Variants in KIF5A observed in about 807,000 individuals in gnomAD.
The protein encoded by KIF5A is kinesin family member 5A.
KIF5A carries 35 observed loss-of-function variants against 141.3 expected under a neutral mutation model. That is an observed-to-expected ratio of 0.25 (90% CI 0.19 to 0.33). The LOEUF is 0.33. Among genes scored for constraint, KIF5A ranks in the 10% least tolerant of loss-of-function variants. The pLI is 1.00. For synonymous variants in KIF5A, 448 were observed against 500.2 expected (o/e 0.90, Z 1.39); for missense variants, 861 against 1,314.3 (o/e 0.66, Z 5.33).
rs771819798 is a variant in KIF5A, at chr12:57,581,084, C to T, written c.2667C>T (p.Asp889=). Residue 889 remains aspartate, a synonymous_variant, in exon 24 of 29, where the codon GAC becomes GAT. Transcript: ENST00000455537. ...LKEAKEGAMK[D]KRRYQQEVDR... ...AGGCCAAGGAGGGCGCCATGAAGGA[C>T]AAGCGCCGGTACCAGCAGGAGGTGG... The T allele has an allele frequency of 1.2e-6, 2 of 1,614,154 alleles. No homozygotes were observed. Among genetic ancestry groups the T allele is most frequent in the East Asian group, 4.5e-5 (2 of 44,882 alleles).
rs1882386176 is a variant in KIF5A at position 57,575,234 on chromosome 12, G to C, written c.1867G>C (p.Gly623Arg). 1.2e-6 allele frequency: 2 copies of C among 1,613,728 alleles called. No homozygotes were observed. Among genetic ancestry groups the C allele is most frequent in the Non-Finnish European group, 1.7e-6 (2 of 1,179,880 alleles). ...VECHRKMEVTGRELSSCQLLI... is the reference protein window; with the variant it reads ...VECHRKMEVTRRELSSCQLLI... ...GTGTCACCGCAAGATGGAAGTGACC[G>C]GGCGGGAGCTCTCATCCTGCCAGCT... Residue 623 changes from glycine (G) to arginine (R), a missense_variant, in exon 16 of 29, where the codon GGG (glycine) becomes CGG (arginine). By Grantham distance (125) the Gly-to-Arg change is moderately radical (BLOSUM62 -2). Around this residue, in one of 5 missense-constraint regions of KIF5A, gnomAD observed 482 missense variants for 661.3 expected, o/e 0.73. Transcript: ENST00000455537.
intron 1 of KIF5A, among the ~76,000 whole-genome samples, chr12:57,562,351 G>A (rs1483436597): frequency 6.6e-6 from 1 of 152,320 alleles, no homozygotes; most frequent in South Asian, 2.1e-4. Flanking sequence ...GCGTAGCTGG[G>A]ATTACAGGTG....
Position 57,572,011 on chromosome 12 carries a change from A to G in KIF5A, c.1363-50A>G, listed in dbSNP as rs764424788. ...AGCTTCCCAGACCCAAGGCCATAGA[A>G]ATGGTCACTGGCAGTGATCTTTCCC... On this transcript the variant is annotated intron_variant, in intron 13 of 28. Coordinates refer to ENST00000455537, the MANE Select transcript of KIF5A (RefSeq NM_004984.4). The surrounding 1 kb of genome is among the most constrained non-coding windows in gnomAD (Gnocchi z 4.2). 1 of 1,526,196 alleles carries G rather than the reference A, an allele frequency of 6.6e-7. No homozygotes were observed. Among genetic ancestry groups the G allele is most frequent in the South Asian group, 1.1e-5 (1 of 87,032 alleles). 94.5% of individuals were successfully genotyped at this position (1,526,196 alleles called of 1,614,324 possible).
intron 20 of KIF5A, among the ~76,000 whole-genome samples, chr12:57,577,100 A>G (rs1882452428): frequency 1.3e-5 from 2 of 152,362 alleles, no homozygotes; most frequent in South Asian, 4.1e-4. Flanking sequence ...TTACAAAACC[A>G]TATGCATGGT....
chr12:57,568,910 G>A, intron 8 of KIF5A, 53 bp from the exon 9 acceptor site: 3 of 1,230,666 alleles, frequency 2.4e-6, no homozygotes, highest in South Asian at 2.4e-5. Context: ...GGTGGTGACA[G>A]CCCTCTCCAT....
Position 57,563,610 on chromosome 12 carries a change from T to C in KIF5A, c.218-10T>C. Reference sequence around the variant, plus strand: ...CTCCACCAGTACTCTTTCTCTACTGTCTCTTCCAGATGTCCTTGCTGGCTA... The same window carrying C: ...CTCCACCAGTACTCTTTCTCTACTGCCTCTTCCAGATGTCCTTGCTGGCTA... On this transcript the variant is annotated splice_polypyrimidine_tract_variant and intron_variant, in intron 2 of 28. Coordinates refer to ENST00000455537, the MANE Select transcript of KIF5A (RefSeq NM_004984.4). The C allele has an allele frequency of 6.2e-7, 1 of 1,614,032 alleles. No individual in the cohort carries two copies. The highest frequency in any genetic ancestry group is 8.5e-7 in the Non-Finnish European group (1 of 1,179,864).
intron 16 of KIF5A, 38 bp downstream of exon 16, chr12:57,575,310 G>T: frequency 6.3e-7 from 1 of 1,589,368 alleles, no homozygotes; most frequent in East Asian, 2.2e-5. Context: ...GATGCCATGG[G>T]AGAAAGAAGG....
Position 57,570,014 on chromosome 12 carries a change from T to C in KIF5A, c.1145T>C (p.Leu382Pro), listed in dbSNP as rs2140163585. Residue 382 changes from leucine to proline, a missense_variant, in exon 12 of 29, where the codon CTG becomes CCG. Physicochemically the swap from Leu to Pro is moderately conservative, Grantham distance 98. Transcript: ENST00000455537. The part of the protein sequence containing the change: ...NGENVPETER[L>P]AGEEAALGAE... ...GAGAATGTGCCTGAGACAGAGCGCCTGGCTGGGGAGGAGGCAGCCCTGGGA... is the reference window on the plus strand; with the variant it reads ...GAGAATGTGCCTGAGACAGAGCGCCCGGCTGGGGAGGAGGCAGCCCTGGGA... The C allele has an allele frequency of 6.2e-7, 1 of 1,613,668 alleles. No individual in the cohort carries two copies. Among genetic ancestry groups the C allele is most frequent in the East Asian group, 2.2e-5 (1 of 44,864 alleles).
chr12:57,563,285 G>A (rs551726972), intron 1 of KIF5A, among the ~76,000 whole-genome samples, 154 bp from the exon 2 acceptor site: 6 of 152,170 alleles, frequency 3.9e-5, no homozygotes, highest in Non-Finnish European at 7.4e-5. Context: ...GATTACAGGT[G>A]TGAGCCACCA....
At chr12:57,564,316 G>A (rs372906511) in intron 4 of KIF5A, 104 bp downstream of exon 4, 5 of 1,086,496 alleles carry the variant, frequency 4.6e-6, no homozygotes, top group Non-Finnish European at 5.7e-6. Context: ...CTCCCTTTCC[G>A]GTTACCAGAG....
In KIF5A at chr12:57,568,085, G is replaced by T. The variant is rs1304783736; in HGVS notation, c.714+467G>T. On this transcript the variant is annotated intron_variant, in intron 8 of 28. Transcript: ENST00000455537. ...TTTAGTAGAGACGGGGTTTCACCAT[G>T]TTGGCCAGGCTGGTCTCGAACTCCT... Among the ~76,000 whole-genome samples the T allele has an allele frequency of 2.0e-5, 3 of 152,176 alleles. No individual in the cohort carries two copies. The East Asian group carries it at 5.8e-4, about 30-fold the overall frequency.
At chr12:57,559,131 G>T (rs934150606) in intron 1 of KIF5A, among the ~76,000 whole-genome samples, 1 of 152,182 alleles carries the variant, frequency 6.6e-6, no homozygotes, top group Non-Finnish European at 1.5e-5. Context: ...TCTGTTGGTG[G>T]ACATTAAGGG....
chr12:57,575,810 C>T, intron 17 of KIF5A, 53 bp downstream of exon 17: 2 of 1,284,450 alleles, frequency 1.6e-6, no homozygotes, highest in Non-Finnish European at 2.3e-6. Context: ...AAGTCAGAAA[C>T]ATCAAAATAA....
Position 57,567,633 on chromosome 12 carries a change from G to A in KIF5A, c.714+15G>A. The A allele has an allele frequency of 4.3e-6, 7 of 1,609,536 alleles. No homozygotes were observed. The highest frequency in any genetic ancestry group is 5.9e-6 in the Non-Finnish European group (7 of 1,177,802). ...GGAGTGAGAAGGTAGGGGGTCCTGT[G>A]GATATGGGGTGGGTGGAAGCCTTGG... On this transcript the variant is annotated intron_variant, in intron 8 of 28. Coordinates refer to ENST00000455537, the MANE Select transcript of KIF5A (RefSeq NM_004984.4).
At chr12:57,578,465 C>G (rs1311949188) in intron 23 of KIF5A, 123 bp downstream of exon 23, 3 of 721,918 alleles carry the variant, frequency 4.2e-6, no homozygotes, top group African/African-American at 1.7e-5. Flanking sequence ...TTCGCTTTTA[C>G]TTTCCCTACT....
At chr12:57,573,744 G>A (rs1428292512) in intron 15 of KIF5A, among the ~76,000 whole-genome samples, 3 of 150,984 alleles carry the variant, frequency 2.0e-5, no homozygotes, top group Admixed American at 2.0e-4. Context: ...CAGGGGAATC[G>A]CTTGAACCTG....
chr12:57,558,806 C>T (rs1881822907), intron 1 of KIF5A, among the ~76,000 whole-genome samples: 1 of 152,206 alleles, frequency 6.6e-6, no homozygotes, highest in African/African-American at 2.4e-5. Context: ...GACAGGGTCT[C>T]ACTCTGTTGC....
intron 1 of KIF5A, 76 bp from the exon 2 acceptor site, chr12:57,563,363 C>A: frequency 9.2e-7 from 1 of 1,083,278 alleles, no homozygotes; most frequent in Non-Finnish European, 1.4e-6. Context: ...TTCTCAGCTG[C>A]TGGAAGGAGG....
chr12:57,565,463 A>C (rs1882036328), intron 6 of KIF5A, among the ~76,000 whole-genome samples: 1 of 151,752 alleles, frequency 6.6e-6, no homozygotes, highest in Non-Finnish European at 1.5e-5. Context: ...TTGAAAGGTC[A>C]TTGGTCAGTG....
Sources: allele counts gnomAD v4.1 joint callset (sites outside exome capture counted in the v4.1 genomes callset), GRCh38; gene constraint gnomAD v4.1.1; regional missense constraint gnomAD v4.1.1; non-coding constraint Gnocchi (gnomAD v3.1); transcripts MANE v1.5; gene names NCBI Gene and HGNC (gene_info 2026-07-23, HGNC 2026-07-21).